SYN3: variants seen among roughly 807,000 people sequenced by gnomAD.
The protein encoded by SYN3 is synapsin III, also known as synapsin-3.
Under a neutral mutation model 65.8 loss-of-function variants are expected in SYN3, and 35 were observed. The ratio of observed to expected loss-of-function variants is 0.53; its 90% CI spans 0.41 to 0.70. SYN3 has a LOEUF of 0.70. Ranked by LOEUF, SYN3 falls within the 30% of genes least tolerant of loss-of-function variation. SYN3 has a pLI of 0.00. For synonymous variants in SYN3, 270 were observed against 292.9 expected (o/e 0.92, Z 0.80); for missense variants, 680 against 749.0 (o/e 0.91, Z 1.08).
At chr22:33,025,418 T>G (rs1299596180) in intron 1 of SYN3, among the ~76,000 whole-genome samples, 2 of 116,204 alleles carry the variant, frequency 1.7e-5, no homozygotes, top group Admixed American at 1.1e-4. Context: ...AGGGTGACAG[T>G]GCAAGACTCC....
chr22:32,689,923 C>T (rs2060640123), intron 6 of SYN3, among the ~76,000 whole-genome samples: 1 of 152,110 alleles, frequency 6.6e-6, no homozygotes, highest in Admixed American at 6.5e-5. Flanking sequence ...AGCCTGTAAT[C>T]CCAGCATTTT....
Position 32,528,867 on chromosome 22 carries a change from G to T in SYN3, c.1230+7C>A, listed in dbSNP as rs16990632. 16,932 of 1,614,090 alleles carry T rather than the reference G, an allele frequency of 0.01. 526 individuals carry two copies. The African/African-American group carries it at 0.11, about 10-fold the overall frequency. ...TATAAAGTCTCCTTTGATCGTGAGG[G>T]TCTTACCCAAGGTCTGAGGGGGGAG... On this transcript the variant is annotated splice_region_variant and intron_variant, in intron 11 of 13. Transcript: ENST00000358763.
chr22:32,729,833 T>C (rs1321652447), intron 6 of SYN3, among the ~76,000 whole-genome samples: 1 of 152,190 alleles, frequency 6.6e-6, no homozygotes, highest in Non-Finnish European at 1.5e-5. Flanking sequence ...CTTGGGCAAA[T>C]GATGGTACCA....
chr22:32,674,165 G>C (rs2060409629), intron 6 of SYN3, among the ~76,000 whole-genome samples: 1 of 152,134 alleles, frequency 6.6e-6, no homozygotes, highest in African/African-American at 2.4e-5. Context: ...CAAAGGTGAT[G>C]CCAGGTTTCT....
chr22:32,930,048 A>G (rs1285902438), intron 4 of SYN3, among the ~76,000 whole-genome samples: 1 of 152,164 alleles, frequency 6.6e-6, no homozygotes, highest in Non-Finnish European at 1.5e-5. Flanking sequence ...CCGTTACTGG[A>G]AATAGGAAGC....
intron 6 of SYN3, among the ~76,000 whole-genome samples, chr22:32,738,344 G>A (rs942588546): frequency 1.3e-5 from 2 of 152,208 alleles, no homozygotes; most frequent in South Asian, 2.1e-4. Context: ...TGAACACGAT[G>A]TCACTAAGTA....
At chr22:32,746,181 G>A (rs1235731501) in intron 6 of SYN3, among the ~76,000 whole-genome samples, 1 of 152,224 alleles carries the variant, frequency 6.6e-6, no homozygotes, top group African/African-American at 2.4e-5. Flanking sequence ...TAGACTGTGA[G>A]ATGCTGCACA....
chr22:33,001,721 C>G (rs2053064400), intron 2 of SYN3, among the ~76,000 whole-genome samples: 1 of 152,132 alleles, frequency 6.6e-6, no homozygotes, highest in Non-Finnish European at 1.5e-5. Context: ...AGATCTTAAC[C>G]CTACTTACAT....
intron 2 of SYN3, among the ~76,000 whole-genome samples, chr22:32,996,823 T>C (rs2052893564): frequency 6.6e-6 from 1 of 152,192 alleles, no homozygotes; most frequent in South Asian, 2.1e-4. Flanking sequence ...CCCTTTAAGC[T>C]CTGGCTGCCC....
At chr22:32,894,726 T>A (rs934649274) in intron 4 of SYN3, among the ~76,000 whole-genome samples, 1 of 152,106 alleles carries the variant, frequency 6.6e-6, no homozygotes, top group Non-Finnish European at 1.5e-5. Flanking sequence ...ACTGTAAGGG[T>A]GTTTCTGGAT....
chr22:32,856,092 G>T (rs1407954090), intron 6 of SYN3, among the ~76,000 whole-genome samples: 2 of 152,154 alleles, frequency 1.3e-5, no homozygotes, highest in Non-Finnish European at 2.9e-5. Context: ...TCCCTCCCAG[G>T]GCTCTTTTAA....
chr22:32,641,909 A>T (rs1001481511), intron 6 of SYN3, among the ~76,000 whole-genome samples: 3 of 152,166 alleles, frequency 2.0e-5, no homozygotes, highest in Non-Finnish European at 2.9e-5. Context: ...TCAGGGGTAC[A>T]GATTGCCCCT....
chr22:32,907,164 T>C (rs2049924536), intron 4 of SYN3, among the ~76,000 whole-genome samples: 1 of 152,236 alleles, frequency 6.6e-6, no homozygotes, highest in Non-Finnish European at 1.5e-5. Context: ...GTGCTCATCA[T>C]GTGTCCCAGA....
chr22:32,696,583 C>G lies in SYN3; in HGVS notation c.712-99847G>C, dbSNP rs955991966. On this transcript the variant is annotated intron_variant, in intron 6 of 13. Transcript: ENST00000358763. The stretch of plus-strand genomic sequence containing the variant: ...CTTTTCCACCCATCTGTGATCTCCT[C>G]TAAATGGGGACCATGACTTAACTTG... 3.9e-5 allele frequency among the ~76,000 whole-genome samples: 6 copies of G among 152,336 alleles called. No individual in the cohort carries two copies. In the Middle Eastern group the frequency reaches 0.01, roughly 259 times the overall value.
intron 2 of SYN3, among the ~76,000 whole-genome samples, chr22:32,994,001 G>C (rs950220245): frequency 3.9e-5 from 6 of 152,148 alleles, no homozygotes; most frequent in African/African-American, 1.4e-4. Flanking sequence ...CCACTAGGGC[G>C]GGGGTAACAA....
chr22:32,854,336 C>G (rs1445538016), intron 6 of SYN3, among the ~76,000 whole-genome samples: 1 of 152,108 alleles, frequency 6.6e-6, no homozygotes, highest in Non-Finnish European at 1.5e-5. Context: ...AGCTGCGGTG[C>G]CAAGCTGATT....
intron 1 of SYN3, among the ~76,000 whole-genome samples, chr22:33,038,474 T>C (rs1272611274): frequency 6.6e-6 from 1 of 152,180 alleles, no homozygotes; most frequent in East Asian, 1.9e-4. Context: ...TAACCTCCAC[T>C]GTGAGCTCCG....
At chr22:32,932,770 C>T (rs188407259) in intron 3 of SYN3, among the ~76,000 whole-genome samples, 2 of 152,242 alleles carry the variant, frequency 1.3e-5, no homozygotes, top group East Asian at 3.9e-4. Context: ...TCTTAGTCTC[C>T]CAAGGCTGCT....
intron 1 of SYN3, among the ~76,000 whole-genome samples, chr22:33,013,890 T>G (rs2053407657): frequency 6.6e-6 from 1 of 152,062 alleles, no homozygotes; most frequent in Non-Finnish European, 1.5e-5. Flanking sequence ...TTGTAGCAAA[T>G]AGCAGAATTT....
Sources: allele counts gnomAD v4.1 joint callset (sites outside exome capture counted in the v4.1 genomes callset), GRCh38; gene constraint gnomAD v4.1.1; transcripts MANE v1.5; gene names NCBI Gene and HGNC (gene_info 2026-07-23, HGNC 2026-07-21).